The following ZKSCAN5 variants were observed in gnomAD, a reference collection of about 807,000 sequenced individuals.
ZKSCAN5 encodes the protein zinc finger with KRAB and SCAN domains 5.
In ZKSCAN5, 28 loss-of-function variants were observed where a neutral mutation model predicts 60.0. The observed-to-expected ratio is 0.47, with a 90% confidence interval of 0.35 to 0.64. The LOEUF is 0.64. Ranked by LOEUF, ZKSCAN5 falls within the 30% of genes least tolerant of loss-of-function variation. The pLI, the probability that ZKSCAN5 is intolerant of heterozygous loss-of-function variation, is 0.01. For synonymous variants in ZKSCAN5, 361 were observed against 371.2 expected, an observed-to-expected ratio of 0.97 and a Z score of 0.31; for missense variants, 881 against 1,034.6, an observed-to-expected ratio of 0.85 and a Z score of 2.04.
chr7:99,533,110 G>T lies in ZKSCAN5; in HGVS notation c.*861G>T. On this transcript the variant is annotated 3_prime_UTR_variant, in exon 7 of 7. Coordinates refer to ENST00000326775, the MANE Select transcript of ZKSCAN5 (RefSeq NM_145102.4). Reference sequence around the variant, plus strand: ...GCAGCTAAACCCATAGAAGGAGTTGGACCAAGGCGAATTACGAGTCCTGGT... The same window carrying T: ...GCAGCTAAACCCATAGAAGGAGTTGTACCAAGGCGAATTACGAGTCCTGGT... 2.5e-6 allele frequency: 1 copy of T among 400,838 alleles called. No individual in the cohort carries two copies. Among genetic ancestry groups the T allele is most frequent in the East Asian group, 6.5e-5 (1 of 15,354 alleles). 24.8% of individuals were successfully genotyped at this position (400,838 alleles called of 1,614,324 possible).
At chr7:99,517,927 A>G (rs1309754367) in intron 3 of ZKSCAN5, among the ~76,000 whole-genome samples, 1 of 152,166 alleles carries the variant, frequency 6.6e-6, no homozygotes, top group African/African-American at 2.4e-5. Flanking sequence ...TGGGTTGGGC[A>G]AGCTTGCATT....
At position 99,506,163 on chromosome 7, in the gene ZKSCAN5, A is replaced by T; in HGVS notation, c.119A>T (p.Glu40Val). 6.2e-7 allele frequency: 1 copy of T among 1,614,188 alleles called. No individual in the cohort carries two copies. The highest frequency in any genetic ancestry group is 8.5e-7 in the Non-Finnish European group (1 of 1,180,038). Residue 40 changes from glutamate (E) to valine (V), a missense_variant, in exon 2 of 7, where the codon GAG becomes GTG. This residue lies in a region of ZKSCAN5 where 88 missense variants were observed against 65.2 expected (regional missense o/e 1.35). Coordinates refer to ENST00000326775, the MANE Select transcript of ZKSCAN5 (RefSeq NM_145102.4). Reference protein sequence around the residue: ...VEEEDCTWMQEYNPPTFETFY... With the variant: ...VEEEDCTWMQVYNPPTFETFY... ...GAAGAAGACTGCACCTGGATGCAGG[A>T]GTACAACCCGCCAACGTTTGAGACT...
chr7:99,523,420 G>A (rs577075218), intron 5 of ZKSCAN5, among the ~76,000 whole-genome samples: 116 of 152,188 alleles, frequency 7.6e-4, no homozygotes, highest in African/African-American at 2.5e-3. Context: ...CCAGGAGTTC[G>A]AGACCAGCCT....
At chr7:99,525,689 G>A (rs925528715) in intron 5 of ZKSCAN5, 124 bp from the exon 6 acceptor site, 1 of 1,351,116 alleles carries the variant, frequency 7.4e-7, no homozygotes, top group East Asian at 2.3e-5. Flanking sequence ...TCCCTGTACT[G>A]TAAAAGTCCC....
intron 5 of ZKSCAN5, among the ~76,000 whole-genome samples, chr7:99,524,369 C>T (rs530483049): frequency 2.6e-5 from 4 of 152,052 alleles, no homozygotes; most frequent in African/African-American, 4.8e-5. Context: ...CCACCACACC[C>T]GGCTGATAAT....
At chr7:99,515,424 C>T (rs1485313884) in intron 3 of ZKSCAN5, among the ~76,000 whole-genome samples, 1 of 150,970 alleles carries the variant, frequency 6.6e-6, no homozygotes, top group African/African-American at 2.4e-5. Context: ...AAAACAAAAA[C>T]TGCTCAGAAA....
At position 99,512,536 on chromosome 7, in the gene ZKSCAN5, C is replaced by T. The variant is rs756153802; in HGVS notation, c.498C>T (p.Thr166=). 11 of 1,614,046 alleles carry T rather than the reference C, an allele frequency of 6.8e-6. 1 individual carries two copies. In the East Asian group the frequency reaches 8.9e-5, roughly 13 times the overall value. ...AGTCCTGCAGCCCCCATCCCCTGAC[C>T]GTGGACACCCAGCCTGAGCAAGCGC... The part of the protein sequence containing the change: ...VQESCSPHPL[T]VDTQPEQAPQ... Residue 166 remains threonine, a synonymous_variant, in exon 3 of 7, where the codon ACC becomes ACT. Transcript: ENST00000326775.
At chr7:99,526,508 G>T in intron 6 of ZKSCAN5, 90 bp downstream of exon 6, 1 of 1,507,688 alleles carries the variant, frequency 6.6e-7, no homozygotes, top group South Asian at 1.3e-5. Flanking sequence ...CAGATGGGTG[G>T]TGATACTGGG....
At chr7:99,524,873 T>C (rs917887335) in intron 5 of ZKSCAN5, among the ~76,000 whole-genome samples, 1 of 151,982 alleles carries the variant, frequency 6.6e-6, no homozygotes, top group Non-Finnish European at 1.5e-5. Flanking sequence ...TTATTAAGAA[T>C]ATTGCCCAGT....
At chr7:99,524,258 G>A (rs1480771694) in intron 5 of ZKSCAN5, among the ~76,000 whole-genome samples, 2 of 152,098 alleles carry the variant, frequency 1.3e-5, no homozygotes, top group Non-Finnish European at 2.9e-5. Context: ...ATTTTTAGTA[G>A]AGACAGGTTT....
chr7:99,526,824 G>A (rs961522764), intron 6 of ZKSCAN5, among the ~76,000 whole-genome samples: 1 of 152,162 alleles, frequency 6.6e-6, no homozygotes, highest in Non-Finnish European at 1.5e-5. Context: ...CAAAGTGCTG[G>A]GATTACAGGC....
intron 6 of ZKSCAN5, among the ~76,000 whole-genome samples, chr7:99,530,255 G>A (rs568660220): frequency 6.6e-6 from 1 of 151,546 alleles, no homozygotes; most frequent in African/African-American, 2.4e-5. Context: ...GGCTGGTTTC[G>A]AACTCCTGAC....
At chr7:99,512,675 G>T in intron 3 of ZKSCAN5, 84 bp downstream of exon 3, 1 of 1,504,450 alleles carries the variant, frequency 6.6e-7, no homozygotes, top group South Asian at 1.3e-5. Flanking sequence ...GCGGGAGAGA[G>T]ACTCTAGGCT....
intron 3 of ZKSCAN5, among the ~76,000 whole-genome samples, chr7:99,518,095 G>A (rs1322777026): frequency 1.3e-5 from 2 of 152,284 alleles, no homozygotes. Context: ...GAGTGGTCCA[G>A]GAAGCCGTGG....
Position 99,512,661 on chromosome 7 carries a change from A to G in ZKSCAN5, c.553+70A>G, listed in dbSNP as rs1801090853. ...GTGCCTTGGCCATGTGGCAGGCACT[A>G]TCTGCGGGAGAGAGACTCTAGGCTG... On this transcript the variant is annotated intron_variant, in intron 3 of 6. Coordinates refer to ENST00000326775, the MANE Select transcript of ZKSCAN5 (RefSeq NM_145102.4). The G allele has an allele frequency of 6.5e-6, 10 of 1,546,638 alleles. No homozygotes were observed. In the East Asian group the frequency reaches 1.4e-4, roughly 22 times the overall value.
At position 99,532,539 on chromosome 7, in the gene ZKSCAN5, C is replaced by T. The variant is rs1802100587; in HGVS notation, c.*290C>T. The T allele has an allele frequency of 7.2e-6, 2 of 276,470 alleles. No homozygotes were observed. The highest frequency in any genetic ancestry group is 1.3e-5 in the Non-Finnish European group (2 of 148,490). 17.1% of individuals were successfully genotyped at this position (276,470 alleles called of 1,614,324 possible). A position where few individuals can be genotyped will look rare whatever the true frequency, so the allele number is the denominator to read the frequency against. ...AGGAATTCGGAAAGCCTGCAGTTGA[C>T]ATTCAGTCTTCACTTGAAACTCAAA... On this transcript the variant is annotated 3_prime_UTR_variant, in exon 7 of 7. Transcript: ENST00000326775.
chr7:99,511,157 C>T (rs1801005031), intron 2 of ZKSCAN5, among the ~76,000 whole-genome samples: 1 of 152,196 alleles, frequency 6.6e-6, no homozygotes, highest in African/African-American at 2.4e-5. Context: ...GAACTTACTA[C>T]ATTCCAATAT....
chr7:99,506,031 C>G lies in ZKSCAN5; in HGVS notation c.-14C>G. 1 of 1,605,354 alleles carries G rather than the reference C, an allele frequency of 6.2e-7. No homozygotes were observed. Among genetic ancestry groups the G allele is most frequent in the Non-Finnish European group, 8.5e-7 (1 of 1,175,006 alleles). On this transcript the variant is annotated 5_prime_UTR_variant, in exon 2 of 7. Transcript: ENST00000326775. ...GTAACACAGCCAGCCTCGAAGACTTCCCTCTGAGTTGGAATGATAATGACC... is the reference window on the plus strand; with the variant it reads ...GTAACACAGCCAGCCTCGAAGACTTGCCTCTGAGTTGGAATGATAATGACC...
At chr7:99,517,435 C>T (rs1801313521) in intron 3 of ZKSCAN5, among the ~76,000 whole-genome samples, 1 of 151,900 alleles carries the variant, frequency 6.6e-6, no homozygotes, top group African/African-American at 2.4e-5. Flanking sequence ...AATCCCAGCA[C>T]TTTAGGAGGC....
Sources: allele counts gnomAD v4.1 joint callset (sites outside exome capture counted in the v4.1 genomes callset), GRCh38; gene constraint gnomAD v4.1.1; regional missense constraint gnomAD v4.1.1; transcripts MANE v1.5; gene names NCBI Gene and HGNC (gene_info 2026-07-23, HGNC 2026-07-21).